Variants in PRKCI observed in about 807,000 individuals in gnomAD.
PRKCI encodes the protein protein kinase C iota type.
In PRKCI, 43 loss-of-function variants were observed where a neutral mutation model predicts 84.0. The ratio of observed to expected loss-of-function variants is 0.51; its 90% confidence interval spans 0.40 to 0.66. PRKCI has a LOEUF of 0.66. Among genes scored for constraint, PRKCI ranks in the 30% least tolerant of loss-of-function variants. The pLI, the probability that PRKCI is intolerant of heterozygous loss-of-function variation, is 0.00. For synonymous variants in PRKCI, 216 were observed against 234.4 expected, an observed-to-expected ratio of 0.92 and a Z score of 0.72; for missense variants, 459 against 745.6, an observed-to-expected ratio of 0.62 and a Z score of 4.48.
chr3:170,304,375 G>A lies in PRKCI; in HGVS notation c.*1248G>A, dbSNP rs1396738315. 6.6e-6 allele frequency: 1 copy of A among 152,194 alleles called. No homozygotes were observed. Among genetic ancestry groups the A allele is most frequent in the African/African-American group, 2.4e-5 (1 of 41,442 alleles). 9.4% of individuals were successfully genotyped at this position (152,194 alleles called of 1,614,324 possible). A position where few individuals can be genotyped will look rare whatever the true frequency, so the allele number is the denominator to read the frequency against. On this transcript the variant is annotated 3_prime_UTR_variant, in exon 18 of 18. Transcript: ENST00000295797. Reference sequence around the variant, plus strand: ...TACCAAACTTGTAAAAGCATTCCATGTATTCAGTGGAGGCAGAATGTATAA... The same window carrying A: ...TACCAAACTTGTAAAAGCATTCCATATATTCAGTGGAGGCAGAATGTATAA...
At chr3:170,278,966 T>C (rs1734181600) in intron 8 of PRKCI, among the ~76,000 whole-genome samples, 1 of 152,198 alleles carries the variant, frequency 6.6e-6, no homozygotes, top group South Asian at 2.1e-4. Context: ...CATTTCAGCA[T>C]GAGATTTGAG....
intron 12 of PRKCI, among the ~76,000 whole-genome samples, chr3:170,290,465 T>C (rs1407286331): frequency 6.6e-6 from 1 of 151,992 alleles, no homozygotes; most frequent in Non-Finnish European, 1.5e-5. Flanking sequence ...CTAATGTCTC[T>C]CTTCCTTCTC....
At chr3:170,272,302 AC>A (rs1404272174) in intron 6 of PRKCI, among the ~76,000 whole-genome samples, 1 of 152,206 alleles carries the variant, frequency 6.6e-6, no homozygotes, top group African/African-American at 2.4e-5. Flanking sequence ...AAAGAAAAAT[AC>A]CTGGATGCAT....
Position 170,270,476 on chromosome 3 carries a change from A to AT in PRKCI, c.507dup (p.Lys170Ter). 1.2e-6 allele frequency: 2 copies of AT among 1,613,990 alleles called. No homozygotes were observed. The highest frequency in any genetic ancestry group is 1.7e-6 in the Non-Finnish European group (2 of 1,179,946). On this transcript the variant is annotated frameshift_variant, in exon 6 of 18. Coordinates refer to ENST00000295797, the MANE Select transcript of PRKCI (RefSeq NM_002740.6). LOFTEE classifies it high-confidence loss of function. ...ATATGGGGACTTGGACGCCAAGGAT[A>AT]TAAGTGCATCAACTGCAAACTCTTG... is the stretch of plus-strand genomic sequence containing the variant.
chr3:170,291,645 T>C lies in PRKCI; in HGVS notation c.1204-209T>C, dbSNP rs1025705041. On this transcript the variant is annotated intron_variant, in intron 12 of 17. Coordinates refer to ENST00000295797, the MANE Select transcript of PRKCI (RefSeq NM_002740.6). ...CCAGGAGGTGGAGGTTGTAGTGAGC[T>C]GAGATCGTGCCACTGCATGCCAGCC... 5 of 455,120 alleles carry C rather than the reference T, an allele frequency of 1.1e-5. No individual in the cohort carries two copies. In the East Asian group the frequency reaches 2.0e-4, roughly 18 times the overall value. The allele number at this position is 455,120 out of a possible 1,614,324, so 28.2% of individuals were successfully genotyped here. A position where few individuals can be genotyped will look rare whatever the true frequency, so the allele number is the denominator to read the frequency against.
At chr3:170,234,808 TTTTA>T (rs1732903014) in intron 1 of PRKCI, among the ~76,000 whole-genome samples, 1 of 152,190 alleles carries the variant, frequency 6.6e-6, no homozygotes, top group Non-Finnish European at 1.5e-5. Context: ...TTTCTTTTGT[TTTTA>T]TTTATTTTTT....
rs1195750222 is a variant in PRKCI at position 170,222,647 on chromosome 3, C to T, written c.-23C>T. 4.5e-6 allele frequency: 7 copies of T among 1,550,920 alleles called. No homozygotes were observed. The South Asian group carries it at 4.8e-5, about 11-fold the overall frequency. ...GCCCCCCCGCACCCCCGGCCTCCAG[C>T]GTTGAGGCGGGGGAGTGAGGAGATG... On this transcript the variant is annotated 5_prime_UTR_variant, in exon 1 of 18. Coordinates refer to ENST00000295797, the MANE Select transcript of PRKCI (RefSeq NM_002740.6).
At chr3:170,264,341 G>A (rs1733807818) in intron 4 of PRKCI, among the ~76,000 whole-genome samples, 3 of 151,842 alleles carry the variant, frequency 2.0e-5, no homozygotes, top group Admixed American at 1.3e-4. Flanking sequence ...GTGCAGTGAC[G>A]CAATCTTGGC....
At chr3:170,224,996 G>C (rs965388948) in intron 1 of PRKCI, among the ~76,000 whole-genome samples, 11 of 152,182 alleles carry the variant, frequency 7.2e-5, no homozygotes, top group Non-Finnish European at 1.5e-5. Context: ...TCAAAGTCTT[G>C]CTGTACTTCA....
At chr3:170,281,754 C>A in intron 10 of PRKCI, 128 bp from the exon 11 acceptor site, 2 of 1,323,342 alleles carry the variant, frequency 1.5e-6, no homozygotes, top group Non-Finnish European at 2.0e-6. Flanking sequence ...TTGTTTCCAC[C>A]AAAATTTTGG....
chr3:170,278,561 C>A (rs1734173045), intron 8 of PRKCI, among the ~76,000 whole-genome samples: 1 of 152,164 alleles, frequency 6.6e-6, no homozygotes, highest in Admixed American at 6.5e-5. Context: ...GAGACTGAGG[C>A]AGGAGGATCA....
chr3:170,299,753 C>G (rs1221842917), intron 17 of PRKCI, among the ~76,000 whole-genome samples: 1 of 152,228 alleles, frequency 6.6e-6, no homozygotes, highest in Admixed American at 6.5e-5. Flanking sequence ...AGTCAGGATT[C>G]AAACCCAAAT....
chr3:170,281,783 A>G, intron 10 of PRKCI, 99 bp from the exon 11 acceptor site: 7 of 1,447,934 alleles, frequency 4.8e-6, no homozygotes, highest in Non-Finnish European at 6.4e-6. Flanking sequence ...TAAAGGCTAA[A>G]TAGTAGAGAA....
At chr3:170,291,689 C>T (rs1043399596) in intron 12 of PRKCI, 165 bp from the exon 13 acceptor site, 34 of 566,916 alleles carry the variant, frequency 6.0e-5, no homozygotes, top group African/African-American at 5.2e-4. Flanking sequence ...AGAGCAAGAC[C>T]CTGTCAAAAA....
chr3:170,248,853 CT>C (rs35355260), intron 2 of PRKCI, among the ~76,000 whole-genome samples: 111 of 142,254 alleles, frequency 7.8e-4, no homozygotes, highest in East Asian at 1.6e-3. Context: ...TTTTTCTTTT[CT>C]TTTTTTTTTT....
At position 170,222,730 on chromosome 3, in the gene PRKCI, G is replaced by A. The variant is rs572493199; in HGVS notation, c.61G>A (p.Asp21Asn). ...SHTVAGGGSG[D>N]HSHQVRVKAY... ...CACGGTCGCAGGCGGCGGCAGCGGG[G>A]ACCATTCCCACCAGGTCCGGGTGAA... is the stretch of plus-strand genomic sequence containing the variant. The change falls in exon 1 of 18, where the codon GAC becomes AAC. Residue 21 changes from aspartate to asparagine, a missense_variant. Asp to Asn is a conservative substitution (Grantham distance 23). Coordinates refer to ENST00000295797, the MANE Select transcript of PRKCI (RefSeq NM_002740.6). The A allele has an allele frequency of 5.8e-5, 93 of 1,609,964 alleles. No individual in the cohort carries two copies. In the Middle Eastern group the frequency reaches 8.6e-4, roughly 15 times the overall value.
rs955748272 is a variant in PRKCI, at chr3:170,305,977, A to G, written c.*2850A>G. The G allele has an allele frequency of 1.4e-5, 2 of 147,150 alleles. No individual in the cohort carries two copies. The highest frequency in any genetic ancestry group is 6.9e-5 in the Admixed American group (1 of 14,588). The allele number at this position is 147,150 out of a possible 1,614,324, so 9.1% of individuals were successfully genotyped here. A position where few individuals can be genotyped will look rare whatever the true frequency, so the allele number is the denominator to read the frequency against. On this transcript the variant is annotated 3_prime_UTR_variant, in exon 18 of 18. Coordinates refer to ENST00000295797, the MANE Select transcript of PRKCI (RefSeq NM_002740.6). ...TCTTTAAATAAAATGTATAATACCC[A>G]TTGAGAGTGGATCATTTTTCATATG...
intron 2 of PRKCI, among the ~76,000 whole-genome samples, chr3:170,256,577 T>C (rs1431115395): frequency 6.6e-6 from 1 of 152,156 alleles, no homozygotes; most frequent in East Asian, 1.9e-4. Flanking sequence ...TTTAGTCCGG[T>C]TAAAGGTTTG....
chr3:170,261,057 A>G (rs1733712438), intron 3 of PRKCI, among the ~76,000 whole-genome samples: 1 of 151,852 alleles, frequency 6.6e-6, no homozygotes, highest in African/African-American at 2.4e-5. Context: ...CCCAGGTTCA[A>G]GCGATCCTCC....
Sources: allele counts gnomAD v4.1 joint callset (sites outside exome capture counted in the v4.1 genomes callset), GRCh38; gene constraint gnomAD v4.1.1; transcripts MANE v1.5; gene names NCBI Gene and HGNC (gene_info 2026-07-23, HGNC 2026-07-21).